Variants in PKP4 observed in about 807,000 individuals in gnomAD.
PKP4 encodes plakophilin-4.
In PKP4, 90 loss-of-function variants were observed where a neutral mutation model predicts 145.1. The ratio of observed to expected loss-of-function variants is 0.62; its 90% CI spans 0.52 to 0.74. The LOEUF (loss-of-function observed/expected upper bound fraction) is 0.74, where lower values mean the gene tolerates loss of function less well. Among genes scored for constraint, PKP4 ranks in the 30% least tolerant of loss-of-function variants. The pLI is 0.00. For synonymous variants in PKP4, 563 were observed against 577.2 expected, an observed-to-expected ratio of 0.98 and a Z score of 0.35; for missense variants, 1,340 against 1,482.7, an observed-to-expected ratio of 0.90 and a Z score of 1.58.
At chr2:158,640,794 A>G (rs1484095783) in intron 10 of PKP4, 35 bp downstream of exon 10, 2 of 1,612,154 alleles carry the variant, frequency 1.2e-6, no homozygotes, top group Admixed American at 3.3e-5. Flanking sequence ...ACTGGGGAAA[A>G]TAATGCCTTT....
At chr2:158,601,022 A>G (rs2050181600) in intron 3 of PKP4, among the ~76,000 whole-genome samples, 2 of 152,200 alleles carry the variant, frequency 1.3e-5, no homozygotes, top group African/African-American at 4.8e-5. Flanking sequence ...ACCTGCTTAT[A>G]CTAGGTAATA....
At chr2:158,653,453 G>A (rs1558957400) in intron 11 of PKP4, among the ~76,000 whole-genome samples, 1 of 151,990 alleles carries the variant, frequency 6.6e-6, no homozygotes, top group East Asian at 1.9e-4. Flanking sequence ...TTCATTCTTT[G>A]TGAGGAAAAT....
At chr2:158,570,634 T>C (rs2047342218) in intron 2 of PKP4, among the ~76,000 whole-genome samples, 2 of 152,210 alleles carry the variant, frequency 1.3e-5, no homozygotes, top group Non-Finnish European at 2.9e-5. Context: ...ACTTTCCTGC[T>C]GAGATACATA....
intron 2 of PKP4, among the ~76,000 whole-genome samples, chr2:158,570,458 A>G (rs1357831571): frequency 6.6e-6 from 1 of 152,236 alleles, no homozygotes; most frequent in Non-Finnish European, 1.5e-5. Flanking sequence ...AGTGATAATT[A>G]GTATTTTAGT....
intron 2 of PKP4, among the ~76,000 whole-genome samples, chr2:158,551,427 G>A (rs759373520): frequency 1.3e-5 from 2 of 152,158 alleles, no homozygotes; most frequent in Non-Finnish European, 2.9e-5. Flanking sequence ...AAACTTAGCT[G>A]CCTGTTGCTC....
intron 1 of PKP4, among the ~76,000 whole-genome samples, chr2:158,518,659 G>A (rs1443352012): frequency 6.6e-6 from 1 of 152,150 alleles, no homozygotes; most frequent in African/African-American, 2.4e-5. Flanking sequence ...CATATTTGTT[G>A]TTTTGCTGCA....
At chr2:158,552,637 T>G (rs1236649252) in intron 2 of PKP4, among the ~76,000 whole-genome samples, 1 of 152,182 alleles carries the variant, frequency 6.6e-6, no homozygotes, top group East Asian at 1.9e-4. Flanking sequence ...ATTCTTAATA[T>G]TTACAGGCAT....
intron 1 of PKP4, among the ~76,000 whole-genome samples, chr2:158,499,978 A>G (rs1696313030): frequency 6.6e-6 from 1 of 152,230 alleles, no homozygotes; most frequent in African/African-American, 2.4e-5. Context: ...ATAATTTCCC[A>G]GAAATGTTAG....
At chr2:158,579,709 A>G (rs977190089) in intron 3 of PKP4, among the ~76,000 whole-genome samples, 2 of 152,204 alleles carry the variant, frequency 1.3e-5, no homozygotes, top group East Asian at 1.9e-4. Flanking sequence ...AGCAGTTAAA[A>G]TGAAACTCTA....
intron 7 of PKP4, among the ~76,000 whole-genome samples, chr2:158,627,702 A>G (rs964582266): frequency 1.8e-4 from 27 of 150,980 alleles, no homozygotes; most frequent in African/African-American, 6.5e-4. Context: ...CATGGCATGT[A>G]AAGAAAACTT....
At position 158,631,907 on chromosome 2, in the gene PKP4, A is replaced by G. The variant is rs2053400024; in HGVS notation, c.1308A>G (p.Gln436=). 3.1e-6 allele frequency: 5 copies of G among 1,613,946 alleles called. No homozygotes were observed. Among genetic ancestry groups the G allele is most frequent in the Non-Finnish European group, 4.2e-6 (5 of 1,180,014 alleles). ...CAAACCATGGAACTGTGGAGCTCCAAGGATCGCAGACGGCGTTGTATCGCA... is the reference window on the plus strand; with the variant it reads ...CAAACCATGGAACTGTGGAGCTCCAGGGATCGCAGACGGCGTTGTATCGCA... ...RSPNHGTVEL[Q]GSQTALYRTG... The change falls in exon 8 of 22, where the codon CAA becomes CAG. Residue 436 remains glutamine, a synonymous_variant. Coordinates refer to ENST00000389759, the MANE Select transcript of PKP4 (RefSeq NM_003628.6).
chr2:158,515,173 A>C (rs926015350), intron 1 of PKP4, among the ~76,000 whole-genome samples: 2 of 152,256 alleles, frequency 1.3e-5, no homozygotes, highest in African/African-American at 4.8e-5. Flanking sequence ...CTGTGCAACC[A>C]AAGTACCAGA....
chr2:158,666,382 A>C (rs767754065), intron 15 of PKP4, 31 bp from the exon 16 acceptor site: 1 of 1,538,394 alleles, frequency 6.5e-7, no homozygotes, highest in Non-Finnish European at 8.7e-7. Context: ...ACTCTGTTTT[A>C]TGTTACTTCC....
intron 9 of PKP4, among the ~76,000 whole-genome samples, chr2:158,637,569 ACTT>A (rs1347041049): frequency 6.6e-6 from 1 of 152,078 alleles, no homozygotes; most frequent in Non-Finnish European, 1.5e-5. Context: ...CTCACATACT[ACTT>A]GGCCTCAGCT....
chr2:158,634,007 CTTTAA>C, intron 8 of PKP4, 58 bp from the exon 9 acceptor site: 1 of 870,486 alleles, frequency 1.1e-6, no homozygotes, highest in Non-Finnish European at 1.8e-6. Context: ...AATGTTTTAC[CTTTAA>C]TTAAAGTGTG....
Position 158,662,886 on chromosome 2 carries a change from C to A in PKP4, c.2212-11C>A. 1 of 1,585,152 alleles carries A rather than the reference C, an allele frequency of 6.3e-7. No individual in the cohort carries two copies. The highest frequency in any genetic ancestry group is 1.1e-5 in the South Asian group (1 of 88,336). On this transcript the variant is annotated splice_polypyrimidine_tract_variant and intron_variant, in intron 13 of 21. Transcript: ENST00000389759. Reference sequence around the variant, plus strand: ...GAGTTGTTTTTAATTATACGCCATGCTGGGTTTCAGACGGTGGAGAACTGC... The same window carrying A: ...GAGTTGTTTTTAATTATACGCCATGATGGGTTTCAGACGGTGGAGAACTGC...
chr2:158,667,794 T>C (rs1010499529), intron 16 of PKP4, among the ~76,000 whole-genome samples: 7 of 152,204 alleles, frequency 4.6e-5, no homozygotes, highest in Non-Finnish European at 1.0e-4. Context: ...CATGCCTGAT[T>C]CTTGTAGATG....
chr2:158,629,977 G>A (rs2053200246), intron 7 of PKP4, among the ~76,000 whole-genome samples: 2 of 152,052 alleles, frequency 1.3e-5, no homozygotes, highest in African/African-American at 2.4e-5. Context: ...CGTGATCTAC[G>A]TGCCTCAGCC....
intron 11 of PKP4, among the ~76,000 whole-genome samples, chr2:158,656,427 GAAGAA>G (rs1174894270): frequency 2.0e-5 from 3 of 152,200 alleles, no homozygotes; most frequent in East Asian, 3.9e-4. Flanking sequence ...ATCATGAACA[GAAGAA>G]AAGAAGAACA....
Sources: gnomAD v4.1 joint callset for allele counts (sites outside exome capture counted in the v4.1 genomes callset) on GRCh38, gnomAD v4.1.1 for gene constraint, MANE v1.5 for transcripts, NCBI Gene and HGNC (gene_info 2026-07-23, HGNC 2026-07-21) for gene names.